MBP: variants seen among roughly 807,000 people sequenced by gnomAD.
MBP encodes Golli-MBP.
Under a neutral mutation model 35.8 loss-of-function variants are expected in MBP, and 16 were observed. The ratio of observed to expected loss-of-function variants is 0.45; its 90% CI spans 0.30 to 0.68. The LOEUF (loss-of-function observed/expected upper bound fraction) is 0.68. Ranked by LOEUF, MBP falls within the 30% of genes least tolerant of loss-of-function variation. The pLI, the probability that MBP is intolerant of heterozygous loss-of-function variation, is 0.08. For synonymous variants in MBP, 143 were observed against 159.6 expected (o/e 0.90, Z 0.78); for missense variants, 380 against 404.7 (o/e 0.94, Z 0.52).
At chr18:76,997,398 C>T (rs1304069717) in intron 4 of MBP, among the ~76,000 whole-genome samples, 1 of 152,174 alleles carries the variant, frequency 6.6e-6, no homozygotes, top group Non-Finnish European at 1.5e-5. Flanking sequence ...TCTGGTTCCT[C>T]GCGGGTGAAA....
At chr18:77,107,045 G>A (rs1976301544) in intron 1 of MBP, among the ~76,000 whole-genome samples, 1 of 152,178 alleles carries the variant, frequency 6.6e-6, no homozygotes, top group South Asian at 2.1e-4. Flanking sequence ...GTACACAGGG[G>A]CTGTCATTCC....
At chr18:76,992,621 T>C (rs1471609588) in intron 4 of MBP, among the ~76,000 whole-genome samples, 1 of 152,182 alleles carries the variant, frequency 6.6e-6, no homozygotes, top group African/African-American at 2.4e-5. Context: ...AGGCTTCCTG[T>C]CCACCTTCCC....
intron 3 of MBP, among the ~76,000 whole-genome samples, chr18:77,043,294 TATC>T (rs1973090211): frequency 6.6e-6 from 1 of 152,232 alleles, no homozygotes; most frequent in Admixed American, 6.5e-5. Flanking sequence ...TTAAAAAAAT[TATC>T]ATACGTAGAA....
intron 3 of MBP, among the ~76,000 whole-genome samples, chr18:77,056,300 C>T (rs551266715): frequency 9.8e-5 from 15 of 152,322 alleles, no homozygotes; most frequent in South Asian, 2.1e-4. Flanking sequence ...CATTCCCGTC[C>T]GGGGGATTAA....
intron 3 of MBP, among the ~76,000 whole-genome samples, chr18:77,033,222 C>A (rs1972605183): frequency 1.3e-5 from 2 of 152,030 alleles, no homozygotes; most frequent in Non-Finnish European, 1.5e-5. Context: ...CTTGCCTTGG[C>A]CTCCCAAAGT....
At chr18:77,050,047 A>AT (rs1460872078) in intron 3 of MBP, among the ~76,000 whole-genome samples, 5 of 152,194 alleles carry the variant, frequency 3.3e-5, no homozygotes, top group African/African-American at 1.2e-4. Flanking sequence ...TGCTATTTTC[A>AT]TTTTTTACTT....
intron 8 of MBP, 143 bp downstream of exon 8, chr18:76,984,632 C>T (rs1599460587): frequency 1.8e-6 from 2 of 1,105,544 alleles, no homozygotes; most frequent in East Asian, 4.9e-5. Flanking sequence ...CCACCTGAGC[C>T]CCTGCACGCC....
chr18:77,130,859 G>A (rs1340906378), intron 1 of MBP, among the ~76,000 whole-genome samples: 1 of 151,862 alleles, frequency 6.6e-6, no homozygotes, highest in Non-Finnish European at 1.5e-5. Flanking sequence ...GGGCAGAACT[G>A]TGATACTTCT....
chr18:77,017,032 C>T lies in MBP; in HGVS notation c.376G>A (p.Ala126Thr), dbSNP rs774248217. 1.2e-5 allele frequency: 20 copies of T among 1,613,984 alleles called. No individual in the cohort carries two copies. In the Admixed American group the frequency reaches 3.3e-4, roughly 27 times the overall value. Residue 126 changes from alanine to threonine, a missense_variant, in exon 4 of 9, where the codon GCC becomes ACC. By Grantham distance (58) the Ala-to-Thr change is moderately conservative. Coordinates refer to ENST00000355994, the MANE Select transcript of MBP (RefSeq NM_001025101.2). ...ELQTIQEDSA[A>T]TSESLDVMAS... Reference sequence around the variant, plus strand: ...ATCACATCCAGGCTCTCGGAGGTGGCTGCACTGTCTTCTTGGATGGTCTGG... The same window carrying T: ...ATCACATCCAGGCTCTCGGAGGTGGTTGCACTGTCTTCTTGGATGGTCTGG...
At chr18:77,068,479 T>C (rs1398816802) in intron 2 of MBP, among the ~76,000 whole-genome samples, 2 of 152,244 alleles carry the variant, frequency 1.3e-5, no homozygotes. Flanking sequence ...TTTTGTTCTC[T>C]GTGTCTGCTT....
chr18:77,087,121 C>T (rs1451225683), intron 2 of MBP, among the ~76,000 whole-genome samples: 2 of 152,156 alleles, frequency 1.3e-5, no homozygotes, highest in Admixed American at 1.3e-4. Context: ...CTTTTGGATG[C>T]GAAGCACTGG....
chr18:77,087,508 C>A (rs1033241678), intron 2 of MBP: 3 of 152,302 alleles, frequency 2.0e-5, no homozygotes, highest in Middle Eastern at 3.2e-3. Context: ...CGGCCGGAGC[C>A]AAAGCGCAGA....
At chr18:77,055,973 C>A (rs1467346338) in intron 3 of MBP, among the ~76,000 whole-genome samples, 1 of 152,278 alleles carries the variant, frequency 6.6e-6, no homozygotes, top group Admixed American at 6.5e-5. Flanking sequence ...GGCTCCCCCT[C>A]CCCGACTCCT....
rs1176126230 is a variant in MBP at position 76,980,055 on chromosome 18, A to T, written c.*372T>A. ...GCTGTGTGCCTCCATGGCAGTGACC[A>T]GCAAAAGCGCAAGGGTGCCGCAGCC... On this transcript the variant is annotated 3_prime_UTR_variant, in exon 9 of 9. Coordinates refer to ENST00000355994, the MANE Select transcript of MBP (RefSeq NM_001025101.2). 1.4e-6 allele frequency: 1 copy of T among 701,856 alleles called. No homozygotes were observed. The highest frequency in any genetic ancestry group is 2.6e-6 in the Non-Finnish European group (1 of 384,842). The allele number at this position is 701,856 out of a possible 1,614,324, so 43.5% of individuals were successfully genotyped here. A position where few individuals can be genotyped will look rare whatever the true frequency, so the allele number is the denominator to read the frequency against.
At chr18:77,105,419 AAACAGAAGAGACACG>A (rs1976236619) in intron 1 of MBP, 133 bp from the exon 2 acceptor site, 9 of 553,398 alleles carry the variant, frequency 1.6e-5, no homozygotes, top group African/African-American at 1.3e-4. Context: ...AAGGCCCTGA[AAACAGAAGAGACACG>A]TCCAAGTCAT....
intron 4 of MBP, among the ~76,000 whole-genome samples, chr18:76,992,503 C>T (rs573470443): frequency 1.3e-5 from 2 of 152,306 alleles, no homozygotes; most frequent in South Asian, 4.1e-4. Flanking sequence ...GTTTCTTGCC[C>T]TCACCCCCAG....
intron 3 of MBP, among the ~76,000 whole-genome samples, chr18:77,026,550 G>A (rs1972233178): frequency 6.6e-6 from 1 of 152,084 alleles, no homozygotes; most frequent in East Asian, 1.9e-4. Flanking sequence ...CCTTTTATTA[G>A]AGATCTCAAA....
At chr18:76,985,705 A>T in intron 7 of MBP, 1 of 1,014,488 alleles carries the variant, frequency 9.9e-7, no homozygotes, top group Non-Finnish European at 1.2e-6. Context: ...TTTCTAGCTC[A>T]TCCGGCTGTG....
Position 77,044,044 on chromosome 18 carries a change from G to A in MBP, c.139+22254C>T, listed in dbSNP as rs916787198. Among the ~76,000 whole-genome samples the A allele has an allele frequency of 3.1e-5, 4 of 131,026 alleles. No individual in the cohort carries two copies. Among genetic ancestry groups the A allele is most frequent in the Non-Finnish European group, 7.1e-5 (4 of 56,622 alleles). 86.0% of individuals were successfully genotyped at this position (131,026 alleles called of 152,430 possible). On this transcript the variant is annotated intron_variant, in intron 3 of 8. Coordinates refer to ENST00000355994, the MANE Select transcript of MBP (RefSeq NM_001025101.2). This position sits in a 1 kb window ranked among gnomAD's most constrained non-coding sequence, Gnocchi z 4.4. ...CTCTCTGCCTCTCTGCCTCCTCCCTGGAGGCCGTGCAAATCCTGTTCTCCT... is the reference window on the plus strand; with the variant it reads ...CTCTCTGCCTCTCTGCCTCCTCCCTAGAGGCCGTGCAAATCCTGTTCTCCT...
Sources: allele counts gnomAD v4.1 joint callset (sites outside exome capture counted in the v4.1 genomes callset), GRCh38; gene constraint gnomAD v4.1.1; non-coding constraint Gnocchi (gnomAD v3.1); transcripts MANE v1.5; gene names NCBI Gene and HGNC (gene_info 2026-07-23, HGNC 2026-07-21).